Variants in SLC15A4 observed in about 807,000 individuals in gnomAD.
SLC15A4 encodes the protein solute carrier family 15 member 4.
A neutral mutation model predicts 46.1 loss-of-function variants in SLC15A4; 26 were observed. The observed-to-expected ratio is 0.56, with a 90% CI of 0.41 to 0.78. The LOEUF (loss-of-function observed/expected upper bound fraction) is 0.78, where lower values mean the gene tolerates loss of function less well. SLC15A4 is among the 30% of genes least tolerant of loss of function. SLC15A4 has a pLI of 0.00. For missense variants in SLC15A4, 751 were observed against 755.7 expected, an observed-to-expected ratio of 0.99 and a Z score of 0.07; for synonymous variants, 370 against 333.4, an observed-to-expected ratio of 1.11 and a Z score of -1.20.
intron 5 of SLC15A4, among the ~76,000 whole-genome samples, chr12:128,805,636 G>A (rs1955576561): frequency 6.6e-6 from 1 of 152,048 alleles, no homozygotes; most frequent in Admixed American, 6.6e-5. Context: ...GAGTTCAAGC[G>A]ATTCTCATAT....
chr12:128,799,523 C>T (rs774466345), intron 6 of SLC15A4, 106 bp from the exon 7 acceptor site: 99 of 1,221,198 alleles, frequency 8.1e-5, no homozygotes, highest in Admixed American at 3.0e-4. Flanking sequence ...CTCCTAGGGA[C>T]TGAGTCCTGC....
chr12:128,814,123 T>C (rs1436649622), intron 2 of SLC15A4: 1 of 158,594 alleles, frequency 6.3e-6, no homozygotes, highest in Non-Finnish European at 1.4e-5. Flanking sequence ...CATGAGATCA[T>C]CTGGTTACCC....
chr12:128,804,669 G>T (rs911321977), intron 5 of SLC15A4, among the ~76,000 whole-genome samples: 1 of 152,218 alleles, frequency 6.6e-6, no homozygotes, highest in African/African-American at 2.4e-5. Context: ...GGCGGACGTT[G>T]CAGTGAGCTG....
At chr12:128,821,899 A>G (rs1193622599) in intron 1 of SLC15A4, among the ~76,000 whole-genome samples, 24 of 110,334 alleles carry the variant, frequency 2.2e-4, no homozygotes, top group Admixed American at 1.0e-3. Flanking sequence ...AAAAAAAAAA[A>G]AAAGAAAGAA....
intron 7 of SLC15A4, among the ~76,000 whole-genome samples, chr12:128,798,441 C>G (rs1955473753): frequency 6.6e-6 from 1 of 152,174 alleles, no homozygotes; most frequent in African/African-American, 2.4e-5. Context: ...ACTCCACAGG[C>G]CTATACTCAT....
intron 6 of SLC15A4, 157 bp downstream of exon 6, chr12:128,800,697 G>T: frequency 1.5e-6 from 1 of 676,110 alleles, no homozygotes; most frequent in Non-Finnish European, 2.4e-6. Context: ...GCACTGGTGT[G>T]TTTACCTAGC....
chr12:128,809,232 C>A lies in SLC15A4; in HGVS notation c.1089+164G>T. ...CAACCTAATCTAGCAAATGATACAA[C>A]CAATGAAAAAATATTCTCTAAAATA... On this transcript the variant is annotated intron_variant, in intron 4 of 7. Transcript: ENST00000266771. The A allele has an allele frequency of 6.8e-6, 4 of 587,892 alleles. No homozygotes were observed. In the South Asian group the frequency reaches 7.4e-5, roughly 11 times the overall value. The allele number at this position is 587,892 out of a possible 1,614,324, so 36.4% of individuals were successfully genotyped here.
chr12:128,793,515 G>C lies in SLC15A4; in HGVS notation c.*681C>G, dbSNP rs1291368351. On this transcript the variant is annotated 3_prime_UTR_variant, in exon 8 of 8. Coordinates refer to ENST00000266771, the MANE Select transcript of SLC15A4 (RefSeq NM_145648.4). ...GTGAGTTGCTCTGTGGCTTGAGATG[G>C]GACACATGGTCTCAAATGACTCTTA... 1 of 152,130 alleles carries C rather than the reference G, an allele frequency of 6.6e-6. No homozygotes were observed. The highest frequency in any genetic ancestry group is 2.4e-5 in the African/African-American group (1 of 41,416). 9.4% of individuals were successfully genotyped at this position (152,130 alleles called of 1,614,324 possible).
At chr12:128,822,494 G>T (rs1955859395) in intron 1 of SLC15A4, among the ~76,000 whole-genome samples, 1 of 152,128 alleles carries the variant, frequency 6.6e-6, no homozygotes, top group Non-Finnish European at 1.5e-5. Flanking sequence ...TAGCCTTCTG[G>T]TCTGAACTTA....
Position 128,794,259 on chromosome 12 carries a change from A to C in SLC15A4, c.1671T>G (p.Tyr557Ter). 6.2e-7 allele frequency: 1 copy of C among 1,614,106 alleles called. No homozygotes were observed. The highest frequency in any genetic ancestry group is 1.3e-5 in the African/African-American group (1 of 75,042). Residue 557 changes from tyrosine to a stop codon, truncating the protein, a stop_gained, in exon 8 of 8, where the codon TAT becomes TAG. Coordinates refer to ENST00000266771, the MANE Select transcript of SLC15A4 (RefSeq NM_145648.4). LOFTEE classifies it low-confidence loss of function (END_TRUNC). ...LLLFLIISVKYDHHRDHQRSR... is the reference protein window; with the variant it reads ...LLLFLIISVK Reference sequence around the variant, plus strand: ...ATCGCTGATGGTCTCGATGATGGTCATATTTCACAGAAATAATGAGGAAAA... The same window carrying C: ...ATCGCTGATGGTCTCGATGATGGTCCTATTTCACAGAAATAATGAGGAAAA...
At chr12:128,795,297 C>T (rs1376123609) in intron 7 of SLC15A4, among the ~76,000 whole-genome samples, 1 of 152,156 alleles carries the variant, frequency 6.6e-6, no homozygotes, top group Non-Finnish European at 1.5e-5. Context: ...CAAACTGACA[C>T]AAGCAGATAC....
intron 4 of SLC15A4, 46 bp downstream of exon 4, chr12:128,809,350 C>T (rs374110023): frequency 4.4e-5 from 56 of 1,265,370 alleles, no homozygotes; most frequent in African/African-American, 6.0e-5. Context: ...CCATTTATTA[C>T]ATAAGTCCAA....
chr12:128,808,531 C>T, intron 5 of SLC15A4, among the ~76,000 whole-genome samples: 1 of 152,138 alleles, frequency 6.6e-6, no homozygotes, highest in Non-Finnish European at 1.5e-5. Flanking sequence ...GAAAAACCTC[C>T]CTTTAACTCA....
At position 128,794,373 on chromosome 12, in the gene SLC15A4, G is replaced by T; in HGVS notation, c.1574-17C>A. 2 of 1,563,598 alleles carry T rather than the reference G, an allele frequency of 1.3e-6. No homozygotes were observed. Among genetic ancestry groups the T allele is most frequent in the Non-Finnish European group, 1.7e-6 (2 of 1,150,732 alleles). On this transcript the variant is annotated splice_polypyrimidine_tract_variant and intron_variant, in intron 7 of 7. Coordinates refer to ENST00000266771, the MANE Select transcript of SLC15A4 (RefSeq NM_145648.4). ...TAATATTACCTGGAGAAAACAAAAGGAAAGCGGCAGGTAAGCTGCGCTGCT... is the reference window on the plus strand; with the variant it reads ...TAATATTACCTGGAGAAAACAAAAGTAAAGCGGCAGGTAAGCTGCGCTGCT...
Position 128,808,922 on chromosome 12 carries a change from A to G in SLC15A4, c.1124T>C (p.Val375Ala), listed in dbSNP as rs764487485. The change falls in exon 5 of 8, where the codon GTG becomes GCG. Residue 375 changes from valine (V) to alanine (A), a missense_variant. Val to Ala is a moderately conservative substitution (Grantham distance 64, BLOSUM62 0). Transcript: ENST00000266771. The part of the protein sequence containing the change: ...PAAWLTMFDA[V>A]LILLLIPLKD... ...CAGAGGGATGAGCAGGAGGATGAGC[A>G]CAGCATCAAACATGGTCAGCCAGGC... 9.3e-6 allele frequency: 15 copies of G among 1,614,060 alleles called. No individual in the cohort carries two copies. In the African/African-American group the frequency reaches 1.6e-4, roughly 17 times the overall value.
At chr12:128,810,132 G>C (rs1269584656) in intron 2 of SLC15A4, 21 bp from the exon 3 acceptor site, 1 of 1,605,618 alleles carries the variant, frequency 6.2e-7, no homozygotes, top group Non-Finnish European at 8.5e-7. Context: ...TAAAATGAAG[G>C]AATTAGTTTT....
chr12:128,806,854 C>A (rs544307080), intron 5 of SLC15A4, among the ~76,000 whole-genome samples: 2 of 151,454 alleles, frequency 1.3e-5, no homozygotes, highest in African/African-American at 4.8e-5. Context: ...GGCTGCCTGA[C>A]TCCAGTCAGT....
At chr12:128,797,243 C>T (rs9738216) in intron 7 of SLC15A4, among the ~76,000 whole-genome samples, 78,756 of 151,522 alleles carry the variant, frequency 0.52, 21,359 homozygotes, top group Non-Finnish European at 0.61. Context: ...TGCCTCGTGA[C>T]GGCTCGTACG....
intron 5 of SLC15A4, among the ~76,000 whole-genome samples, chr12:128,804,635 C>T (rs1199398025): frequency 1.3e-5 from 2 of 152,204 alleles, no homozygotes; most frequent in Non-Finnish European, 2.9e-5. Flanking sequence ...GAGGCTGAGG[C>T]AGGAGAATCG....
Sources: allele counts gnomAD v4.1 joint callset (sites outside exome capture counted in the v4.1 genomes callset), GRCh38; gene constraint gnomAD v4.1.1; transcripts MANE v1.5; gene names NCBI Gene and HGNC (gene_info 2026-07-23, HGNC 2026-07-21).